The following ITGBL1 variants were observed in gnomAD, a reference collection of about 807,000 sequenced individuals.
ITGBL1 encodes integrin subunit beta like 1.
A neutral mutation model predicts 68.5 loss-of-function variants in ITGBL1; 51 were observed. That is an observed-to-expected ratio of 0.74 (90% confidence interval 0.59 to 0.94). The LOEUF (loss-of-function observed/expected upper bound fraction) is 0.94. Ranked by LOEUF, ITGBL1 falls within the 40% of genes least tolerant of loss-of-function variation. ITGBL1 has a pLI of 0.00. For synonymous variants in ITGBL1, 209 were observed against 227.3 expected, an observed-to-expected ratio of 0.92 and a Z score of 0.72; for missense variants, 649 against 647.4, an observed-to-expected ratio of 1.00 and a Z score of -0.03.
intron 2 of ITGBL1, among the ~76,000 whole-genome samples, chr13:101,549,101 A>T (rs1312993688): frequency 6.6e-6 from 1 of 151,964 alleles, no homozygotes; most frequent in Non-Finnish European, 1.5e-5. Context: ...AAAAAGATAA[A>T]TATTCAGGAA....
At chr13:101,520,039 G>T (rs1289624587) in intron 2 of ITGBL1, among the ~76,000 whole-genome samples, 1 of 152,142 alleles carries the variant, frequency 6.6e-6, no homozygotes, top group Non-Finnish European at 1.5e-5. Flanking sequence ...TGAGTTTAGG[G>T]TTGAAATATT....
chr13:101,550,531 A>G (rs1425903679), intron 2 of ITGBL1, among the ~76,000 whole-genome samples: 1 of 152,182 alleles, frequency 6.6e-6, no homozygotes, highest in Admixed American at 6.5e-5. Flanking sequence ...CTTGACGCTG[A>G]TTCAAGAGTC....
At chr13:101,680,469 C>A (rs1285671091) in intron 7 of ITGBL1, among the ~76,000 whole-genome samples, 1 of 150,782 alleles carries the variant, frequency 6.6e-6, no homozygotes, top group Non-Finnish European at 1.5e-5. Flanking sequence ...TGTTACCACA[C>A]CAGCAGGTGC....
chr13:101,663,569 A>G (rs1425996994), intron 7 of ITGBL1, among the ~76,000 whole-genome samples: 1 of 152,198 alleles, frequency 6.6e-6, no homozygotes, highest in African/African-American at 2.4e-5. Flanking sequence ...TCTTGTGCAT[A>G]TCCTTACAAT....
chr13:101,583,799 C>T (rs933282079), intron 6 of ITGBL1, among the ~76,000 whole-genome samples: 7 of 152,116 alleles, frequency 4.6e-5, no homozygotes, highest in African/African-American at 1.7e-4. Flanking sequence ...TGCAGTGCTC[C>T]TACTGGTAAC....
intron 7 of ITGBL1, among the ~76,000 whole-genome samples, chr13:101,664,225 A>G (rs1260534003): frequency 6.6e-6 from 1 of 152,200 alleles, no homozygotes; most frequent in Non-Finnish European, 1.5e-5. Flanking sequence ...TATTAGGAGA[A>G]GGAGAATTTA....
intron 7 of ITGBL1, among the ~76,000 whole-genome samples, chr13:101,621,273 A>T (rs996097909): frequency 6.6e-6 from 1 of 152,174 alleles, no homozygotes; most frequent in Non-Finnish European, 1.5e-5. Flanking sequence ...AATTAGAAAC[A>T]TGTACCACTT....
In ITGBL1 at chr13:101,706,923, C is replaced by G. The variant is rs377586494; in HGVS notation, c.1279+21C>G. 4.7e-5 allele frequency: 75 copies of G among 1,608,956 alleles called. No individual in the cohort carries two copies. The African/African-American group carries it at 7.5e-4, about 16-fold the overall frequency. On this transcript the variant is annotated intron_variant, in intron 9 of 10. Transcript: ENST00000376180. The stretch of plus-strand genomic sequence containing the variant: ...GAAGGGTGAGTATCTCTGCTGGTGC[C>G]TGGACTCCATTCCTGTTCTGACACA...
intron 5 of ITGBL1, among the ~76,000 whole-genome samples, chr13:101,581,040 G>T (rs1260545132): frequency 1.3e-5 from 2 of 152,006 alleles, no homozygotes; most frequent in Non-Finnish European, 2.9e-5. Context: ...TAATACTCCT[G>T]ACTACCCTGA....
chr13:101,504,072 A>T (rs2048986555), intron 2 of ITGBL1, among the ~76,000 whole-genome samples: 1 of 152,244 alleles, frequency 6.6e-6, no homozygotes, highest in Admixed American at 6.6e-5. Flanking sequence ...AAGGCAATTA[A>T]AAAATGAACT....
rs2050140729 is a variant in ITGBL1 at position 101,563,990 on chromosome 13, G to T, written c.317-3709G>T. On this transcript the variant is annotated intron_variant, in intron 2 of 10. Transcript: ENST00000376180. Reference sequence around the variant, plus strand: ...AATGAGGTATATCTCAAGATGCAAGGCTGGTACAACATTAAAAAATCAACC... The same window carrying T: ...AATGAGGTATATCTCAAGATGCAAGTCTGGTACAACATTAAAAAATCAACC... Among the ~76,000 whole-genome samples, 5 of 151,814 alleles carry T rather than the reference G, an allele frequency of 3.3e-5. No individual in the cohort carries two copies. The South Asian group carries it at 1.0e-3, about 32-fold the overall frequency.
chr13:101,592,249 A>G (rs955869793), intron 6 of ITGBL1, among the ~76,000 whole-genome samples: 1 of 152,272 alleles, frequency 6.6e-6, no homozygotes, highest in African/African-American at 2.4e-5. Flanking sequence ...CAAGGATTGT[A>G]AACTCCATGT....
intron 2 of ITGBL1, among the ~76,000 whole-genome samples, chr13:101,485,983 A>T (rs2048697110): frequency 6.6e-6 from 1 of 152,180 alleles, no homozygotes. Context: ...CAATCCAGCA[A>T]TCCCACTCCT....
intron 2 of ITGBL1, among the ~76,000 whole-genome samples, chr13:101,543,966 C>T (rs1428512337): frequency 3.9e-5 from 6 of 151,978 alleles, no homozygotes; most frequent in African/African-American, 1.2e-4. Flanking sequence ...AATTTTTTTT[C>T]GAGGTTTTTA....
chr13:101,650,245 GTACTT>G (rs1476405744), intron 7 of ITGBL1, among the ~76,000 whole-genome samples: 2 of 152,136 alleles, frequency 1.3e-5, no homozygotes, highest in Admixed American at 1.3e-4. Flanking sequence ...ATTAGAAGCT[GTACTT>G]TACTTTCTTT....
At chr13:101,678,727 C>T (rs1031809092) in intron 7 of ITGBL1, among the ~76,000 whole-genome samples, 2 of 151,944 alleles carry the variant, frequency 1.3e-5, no homozygotes, top group Non-Finnish European at 2.9e-5. Flanking sequence ...TCTTGAACTC[C>T]TGACCTCAGG....
chr13:101,590,520 T>G (rs1186584202), intron 6 of ITGBL1, among the ~76,000 whole-genome samples: 1 of 152,166 alleles, frequency 6.6e-6, no homozygotes, highest in East Asian at 1.9e-4. Context: ...ATCGGCTAGA[T>G]GTATTGTTCT....
intron 7 of ITGBL1, among the ~76,000 whole-genome samples, chr13:101,645,967 A>G (rs1413883441): frequency 6.6e-6 from 1 of 152,218 alleles, no homozygotes; most frequent in South Asian, 2.1e-4. Context: ...CTTCAGAAAC[A>G]GTCTCCAGTT....
chr13:101,468,392 G>A (rs567795789), intron 2 of ITGBL1, among the ~76,000 whole-genome samples: 5 of 152,230 alleles, frequency 3.3e-5, no homozygotes, highest in Non-Finnish European at 7.4e-5. Context: ...TTTGAGTATA[G>A]TATGCTGGAA....
Sources: allele counts gnomAD v4.1 joint callset (sites outside exome capture counted in the v4.1 genomes callset), GRCh38; gene constraint gnomAD v4.1.1; transcripts MANE v1.5; gene names NCBI Gene and HGNC (gene_info 2026-07-23, HGNC 2026-07-21).